The following TMEM132B variants were observed in gnomAD, a reference collection of about 807,000 sequenced individuals.
TMEM132B encodes the protein transmembrane protein 132B.
TMEM132B carries 18 observed loss-of-function variants against 90.8 expected under a neutral mutation model. That is an observed-to-expected ratio of 0.20 (90% confidence interval 0.14 to 0.29). The LOEUF (loss-of-function observed/expected upper bound fraction) is 0.29. Among genes scored for constraint, TMEM132B ranks in the 10% least tolerant of loss-of-function variants. The pLI is 1.00. For synonymous variants in TMEM132B, 504 were observed against 523.3 expected (o/e 0.96, Z 0.50); for missense variants, 1,096 against 1,326.8 (o/e 0.83, Z 2.70).
At chr12:125,464,851 C>T (rs184524060) in intron 3 of TMEM132B, among the ~76,000 whole-genome samples, 2 of 152,284 alleles carry the variant, frequency 1.3e-5, no homozygotes, top group Admixed American at 1.3e-4. Context: ...ATTTATTTTG[C>T]TAAATAACAC....
rs778485517 is a variant in TMEM132B at position 125,454,386 on chromosome 12, GTGTGTT to G, written c.1106+38715_1106+38720del. 9.9e-3 allele frequency among the ~76,000 whole-genome samples: 1,341 copies of G among 135,582 alleles called. 16 individuals carry two copies. Among genetic ancestry groups the G allele is most frequent in the African/African-American group, 0.03 (980 of 32,734 alleles). The allele number at this position is 135,582 out of a possible 152,430, so 88.9% of individuals were successfully genotyped here. On this transcript the variant is annotated intron_variant, in intron 3 of 8. Transcript: ENST00000682704. ...TGCCTACAGCCAGCCGTGTGTGTGT[GTGTGTT>G]TGTGTGTGTGTGTGTGTGTGTGTGT...
At chr12:125,566,835 C>CTTCTTTT (rs1463169929) in intron 4 of TMEM132B, among the ~76,000 whole-genome samples, 10 of 78,740 alleles carry the variant, frequency 1.3e-4, no homozygotes, top group African/African-American at 4.9e-4. Flanking sequence ...TCTTCTTCTT[C>CTTCTTTT]TTTTTTTTTT....
intron 2 of TMEM132B, among the ~76,000 whole-genome samples, chr12:125,385,987 CTTGT>C (rs879504639): frequency 3.5e-4 from 53 of 151,980 alleles, no homozygotes; most frequent in African/African-American, 8.4e-4. Flanking sequence ...TGCTTGTTTG[CTTGT>C]TTGTTTGTTT....
At chr12:125,356,981 C>G (rs1467410557) in intron 2 of TMEM132B, among the ~76,000 whole-genome samples, 1 of 152,212 alleles carries the variant, frequency 6.6e-6, no homozygotes, top group Non-Finnish European at 1.5e-5. Flanking sequence ...GCTAGCAAGT[C>G]ATCTCCATAA....
chr12:125,428,214 G>A (rs1279959100), intron 3 of TMEM132B, among the ~76,000 whole-genome samples: 2 of 151,828 alleles, frequency 1.3e-5, no homozygotes, highest in Non-Finnish European at 2.9e-5. Context: ...GGCTGGTCTC[G>A]AACTGCTGGG....
chr12:125,329,628 C>T (rs772352106), intron 1 of TMEM132B, among the ~76,000 whole-genome samples: 17 of 152,186 alleles, frequency 1.1e-4, no homozygotes, highest in Admixed American at 9.8e-4. Flanking sequence ...TTTCCTGGGA[C>T]GATTCCCTAA....
intron 3 of TMEM132B, among the ~76,000 whole-genome samples, chr12:125,442,223 C>T (rs190938976): frequency 2.6e-5 from 4 of 152,314 alleles, no homozygotes; most frequent in Admixed American, 2.6e-4. Context: ...TGTCCGTGTG[C>T]TGTTACTGCC....
chr12:125,234,060 T>C (rs1873880047), intron 1 of TMEM132B, among the ~76,000 whole-genome samples: 1 of 152,224 alleles, frequency 6.6e-6, no homozygotes, highest in Non-Finnish European at 1.5e-5. Flanking sequence ...GGGATGTAGA[T>C]ATTTTTCCTG....
chr12:125,279,734 C>T (rs1485268585), intron 1 of TMEM132B, among the ~76,000 whole-genome samples: 3 of 152,158 alleles, frequency 2.0e-5, no homozygotes, highest in Admixed American at 2.0e-4. Flanking sequence ...CAACCAAATG[C>T]TGAGCTCCAT....
At chr12:125,293,970 C>T (rs1254956893) in intron 1 of TMEM132B, among the ~76,000 whole-genome samples, 1 of 152,180 alleles carries the variant, frequency 6.6e-6, no homozygotes, top group African/African-American at 2.4e-5. Context: ...GCCCAGCTGC[C>T]ATGCTGTGAG....
chr12:125,291,018 G>A (rs947542191), intron 1 of TMEM132B, among the ~76,000 whole-genome samples: 2 of 151,998 alleles, frequency 1.3e-5, no homozygotes, highest in Admixed American at 6.5e-5. Flanking sequence ...ATCCTTCCCC[G>A]TCCCCCAGCC....
At chr12:125,582,281 A>G (rs1171845515) in intron 4 of TMEM132B, among the ~76,000 whole-genome samples, 3 of 70,418 alleles carry the variant, frequency 4.3e-5, no homozygotes, top group Non-Finnish European at 8.0e-5. Flanking sequence ...AATTATTATT[A>G]TTATTATTAT....
At chr12:125,616,891 A>T (rs1566090578) in intron 5 of TMEM132B, among the ~76,000 whole-genome samples, 3 of 152,184 alleles carry the variant, frequency 2.0e-5, no homozygotes, top group African/African-American at 4.8e-5. Flanking sequence ...TCATTTCTCC[A>T]TGTGCATTAA....
chr12:125,539,052 C>T (rs138382684), intron 4 of TMEM132B, among the ~76,000 whole-genome samples: 150 of 152,272 alleles, frequency 9.9e-4, no homozygotes, highest in South Asian at 3.3e-3. Flanking sequence ...GTTCCACTCC[C>T]GTGTCATTGT....
chr12:125,558,357 T>G (rs1884443228), intron 4 of TMEM132B, among the ~76,000 whole-genome samples: 1 of 152,224 alleles, frequency 6.6e-6, no homozygotes, highest in Non-Finnish European at 1.5e-5. Flanking sequence ...TGTAAAGTTG[T>G]GAAAGTTTGA....
intron 1 of TMEM132B, among the ~76,000 whole-genome samples, chr12:125,280,604 G>C (rs1388772191): frequency 6.6e-6 from 1 of 152,224 alleles, no homozygotes. Context: ...TTCACTTGCT[G>C]TGGGATGTCA....
chr12:125,314,505 T>G (rs1460781128), intron 1 of TMEM132B, among the ~76,000 whole-genome samples: 1 of 152,186 alleles, frequency 6.6e-6, no homozygotes, highest in East Asian at 1.9e-4. Context: ...CCTGGGTTTC[T>G]TGTGCTGCAT....
intron 3 of TMEM132B, 89 bp from the exon 4 acceptor site, chr12:125,519,350 C>A: frequency 2.2e-6 from 3 of 1,353,386 alleles, no homozygotes; most frequent in Non-Finnish European, 3.0e-6. Context: ...TTTTGGTTGA[C>A]AAATAAGAAT....
intron 1 of TMEM132B, among the ~76,000 whole-genome samples, chr12:125,276,643 C>T (rs1281337093): frequency 2.0e-5 from 3 of 152,124 alleles, no homozygotes; most frequent in Admixed American, 1.3e-4. Flanking sequence ...GTGAGTCCCT[C>T]GTGCCTTTGG....
Sources: gnomAD v4.1 joint callset for allele counts (sites outside exome capture counted in the v4.1 genomes callset) on GRCh38, gnomAD v4.1.1 for gene constraint, MANE v1.5 for transcripts, NCBI Gene and HGNC (gene_info 2026-07-23, HGNC 2026-07-21) for gene names.